The following NEK6 variants were observed in gnomAD, a reference collection of about 807,000 sequenced individuals.
NEK6 encodes NIMA related kinase 6, also known as serine/threonine-protein kinase Nek6.
Under a neutral mutation model 43.5 loss-of-function variants are expected in NEK6, and 27 were observed. The observed-to-expected ratio is 0.62, with a 90% CI of 0.46 to 0.86. The LOEUF is 0.86. Among genes scored for constraint, NEK6 ranks in the 40% least tolerant of loss-of-function variants. NEK6 has a pLI of 0.00. For synonymous variants in NEK6, 167 were observed against 164.1 expected, an observed-to-expected ratio of 1.02 and a Z score of -0.14; for missense variants, 318 against 414.4, an observed-to-expected ratio of 0.77 and a Z score of 2.02.
intron 7 of NEK6, among the ~76,000 whole-genome samples, chr9:124,334,848 G>A (rs1386200324): frequency 6.6e-6 from 1 of 152,218 alleles, no homozygotes; most frequent in African/African-American, 2.4e-5. Flanking sequence ...GCAGCGCCAG[G>A]CCACACCCCG....
chr9:124,342,704 C>T (rs1034864921), intron 8 of NEK6, among the ~76,000 whole-genome samples: 5 of 152,248 alleles, frequency 3.3e-5, no homozygotes, highest in African/African-American at 1.2e-4. Flanking sequence ...CCACTTTGTC[C>T]TCCTTTCCTC....
At chr9:124,278,438 C>G (rs1831738470) in intron 1 of NEK6, among the ~76,000 whole-genome samples, 1 of 152,194 alleles carries the variant, frequency 6.6e-6, no homozygotes, top group Non-Finnish European at 1.5e-5. Context: ...GTTTCCAGGT[C>G]TGTCCGGGTG....
intron 1 of NEK6, among the ~76,000 whole-genome samples, chr9:124,267,038 C>T (rs1220313860): frequency 6.6e-6 from 1 of 152,234 alleles, no homozygotes; most frequent in Non-Finnish European, 1.5e-5. Flanking sequence ...TGGAATGGGT[C>T]AGTGCTGTGT....
chr9:124,347,654 G>T, intron 8 of NEK6, 55 bp from the exon 9 acceptor site: 1 of 1,189,560 alleles, frequency 8.4e-7, no homozygotes, highest in South Asian at 1.4e-5. Context: ...CTCCTCTCTA[G>T]TCCTTCTGAG....
intron 1 of NEK6, chr9:124,292,909 C>A: frequency 6.6e-7 from 1 of 1,504,410 alleles, no homozygotes; most frequent in Admixed American, 2.3e-5. Flanking sequence ...CTGGGAGTGA[C>A]GGGGTGAGTC....
intron 1 of NEK6, among the ~76,000 whole-genome samples, chr9:124,270,913 G>A (rs1831411800): frequency 6.6e-6 from 1 of 152,250 alleles, no homozygotes; most frequent in East Asian, 1.9e-4. Context: ...TCTTAGGGCA[G>A]GGCCAGGTCA....
At chr9:124,345,113 A>G (rs4546754) in intron 8 of NEK6, among the ~76,000 whole-genome samples, 2 of 152,154 alleles carry the variant, frequency 1.3e-5, no homozygotes, top group African/African-American at 2.4e-5. Context: ...TTCCTCGGCT[A>G]TATGTCACCC....
chr9:124,306,290 C>T (rs1291753611), intron 2 of NEK6, among the ~76,000 whole-genome samples: 2 of 152,084 alleles, frequency 1.3e-5, no homozygotes, highest in Non-Finnish European at 2.9e-5. Flanking sequence ...GGTTCCATAT[C>T]ATCTTTCGTA....
chr9:124,347,104 C>G (rs1395225835), intron 8 of NEK6, among the ~76,000 whole-genome samples: 2 of 152,242 alleles, frequency 1.3e-5, no homozygotes, highest in African/African-American at 4.8e-5. Flanking sequence ...CTGCGCACCT[C>G]TATCCAGGGG....
intron 1 of NEK6, among the ~76,000 whole-genome samples, chr9:124,295,056 A>G (rs1032553303): frequency 6.6e-6 from 1 of 152,198 alleles, no homozygotes; most frequent in Non-Finnish European, 1.5e-5. Flanking sequence ...GTGGCCCCCA[A>G]TCAGCTGGCC....
In NEK6 at chr9:124,351,014, A is replaced by G. The variant is rs889406891; in HGVS notation, c.*67A>G. 11 of 1,101,550 alleles carry G rather than the reference A, an allele frequency of 1.0e-5. No homozygotes were observed. Among genetic ancestry groups the G allele is most frequent in the Non-Finnish European group, 2.7e-6 (2 of 739,254 alleles). 68.2% of individuals were successfully genotyped at this position (1,101,550 alleles called of 1,614,324 possible). A position where few individuals can be genotyped will look rare whatever the true frequency, so the allele number is the denominator to read the frequency against. ...CCTTACTTGAGTCGTCTTCTCTTCG[A>G]GTGGCCACCTGGTAGCCTAGAACAG... On this transcript the variant is annotated 3_prime_UTR_variant, in exon 10 of 10. Coordinates refer to ENST00000320246, the MANE Select transcript of NEK6 (RefSeq NM_014397.6).
Position 124,324,929 on chromosome 9 carries a change from CT to C in NEK6, c.406-1398del, listed in dbSNP as rs898390669. ...GTGGCTCACGCCTGTAATCCCAGCA[CT>C]TTGGGAGGCCGAGGCAGGCAGATCA... On this transcript the variant is annotated intron_variant, in intron 5 of 9. Transcript: ENST00000320246. The surrounding 1 kb of genome is among the most constrained non-coding windows in gnomAD (Gnocchi z 5.3). 6.6e-6 allele frequency among the ~76,000 whole-genome samples: 1 copy of C among 152,066 alleles called. No individual in the cohort carries two copies. Among genetic ancestry groups the C allele is most frequent in the Non-Finnish European group, 1.5e-5 (1 of 68,006 alleles).
chr9:124,280,217 T>C (rs1012196161), intron 1 of NEK6, among the ~76,000 whole-genome samples: 2 of 152,214 alleles, frequency 1.3e-5, no homozygotes, highest in African/African-American at 4.8e-5. Context: ...TCAGAAAAAG[T>C]GTGTCCTGTG....
chr9:124,274,640 G>A (rs936847986), intron 1 of NEK6, among the ~76,000 whole-genome samples: 1 of 152,226 alleles, frequency 6.6e-6, no homozygotes, highest in Non-Finnish European at 1.5e-5. Flanking sequence ...CCCCAAGAAA[G>A]TGAGCAGACA....
chr9:124,275,222 G>A lies in NEK6; in HGVS notation c.-30+17137G>A, dbSNP rs1440343011. On this transcript the variant is annotated intron_variant, in intron 1 of 9. Transcript: ENST00000320246. The surrounding 1 kb of genome is among the most constrained non-coding windows in gnomAD (Gnocchi z 4.4). ...TCCTACAGTGAATGTTTTTAAAAAC[G>A]TAATTTTAAACTTCTAGGGATGAGA... 7.9e-5 allele frequency among the ~76,000 whole-genome samples: 12 copies of A among 152,206 alleles called. No homozygotes were observed. Among genetic ancestry groups the A allele is most frequent in the South Asian group, 4.2e-4 (2 of 4,814 alleles).
intron 8 of NEK6, among the ~76,000 whole-genome samples, chr9:124,346,418 C>T (rs1489806433): frequency 6.6e-6 from 1 of 152,164 alleles, no homozygotes; most frequent in Non-Finnish European, 1.5e-5. Flanking sequence ...CTCTGGGGCG[C>T]GAGGACAAGC....
chr9:124,331,040 A>T (rs183474964), intron 7 of NEK6, among the ~76,000 whole-genome samples: 1 of 152,266 alleles, frequency 6.6e-6, no homozygotes, highest in Non-Finnish European at 1.5e-5. Flanking sequence ...AGGCAGTCAG[A>T]TCACTTGAGG....
chr9:124,352,991 C>T lies in NEK6; in HGVS notation c.*2044C>T, dbSNP rs1830338559. 1 of 152,854 alleles carries T rather than the reference C, an allele frequency of 6.5e-6. No homozygotes were observed. The highest frequency in any genetic ancestry group is 1.5e-5 in the Non-Finnish European group (1 of 68,538). The allele number at this position is 152,854 out of a possible 1,614,324, so 9.5% of individuals were successfully genotyped here. A position where few individuals can be genotyped will look rare whatever the true frequency, so the allele number is the denominator to read the frequency against. On this transcript the variant is annotated 3_prime_UTR_variant, in exon 10 of 10. Transcript: ENST00000320246. The stretch of plus-strand genomic sequence containing the variant: ...TGAAATGATCATGTCCTACTTATTA[C>T]AAAACCGTAACCCCAAAACATTCCT...
At chr9:124,350,059 G>A (rs1178229001) in intron 9 of NEK6, among the ~76,000 whole-genome samples, 1 of 152,198 alleles carries the variant, frequency 6.6e-6, no homozygotes, top group Non-Finnish European at 1.5e-5. Flanking sequence ...AGTGAGTGTG[G>A]CCACTGAGAC....
Sources: allele counts gnomAD v4.1 joint callset (sites outside exome capture counted in the v4.1 genomes callset), GRCh38; gene constraint gnomAD v4.1.1; non-coding constraint Gnocchi (gnomAD v3.1); transcripts MANE v1.5; gene names NCBI Gene and HGNC (gene_info 2026-07-23, HGNC 2026-07-21).